Variants in DCDC2 observed in about 807,000 individuals in gnomAD.
The protein encoded by DCDC2 is doublecortin domain-containing protein 2.
Under a neutral mutation model 50.2 loss-of-function variants are expected in DCDC2, and 40 were observed. The observed-to-expected ratio is 0.80, with a 90% CI of 0.62 to 1.04. DCDC2 has a LOEUF of 1.04. Ranked by LOEUF, DCDC2 falls within the 50% of genes least tolerant of loss-of-function variation. The pLI, the probability that DCDC2 is intolerant of heterozygous loss-of-function variation, is 0.00. For synonymous variants in DCDC2, 234 were observed against 210.6 expected (o/e 1.11, Z -0.96); for missense variants, 570 against 581.9 (o/e 0.98, Z 0.21).
intron 2 of DCDC2, among the ~76,000 whole-genome samples, chr6:24,314,601 A>T (rs1351108406): frequency 6.6e-6 from 1 of 152,234 alleles, no homozygotes; most frequent in Non-Finnish European, 1.5e-5. Flanking sequence ...AATCATCATT[A>T]TGAACATCAA....
chr6:24,357,989 A>T lies in DCDC2; in HGVS notation c.-239T>A, dbSNP rs1231224262. On this transcript the variant is annotated 5_prime_UTR_variant, in exon 1 of 10. Transcript: ENST00000378454. The stretch of plus-strand genomic sequence containing the variant: ...GTTTTTCACCGTGGCGTGCACAGCC[A>T]ATCAGGACCCGCAGTGCGCGCACCA... The T allele has an allele frequency of 8.5e-6, 12 of 1,418,120 alleles. No individual in the cohort carries two copies. The highest frequency in any genetic ancestry group is 1.4e-5 in the African/African-American group (1 of 69,500). 87.8% of individuals were successfully genotyped at this position (1,418,120 alleles called of 1,614,324 possible).
intron 8 of DCDC2, among the ~76,000 whole-genome samples, chr6:24,199,621 A>G (rs1036293014): frequency 2.0e-5 from 3 of 152,068 alleles, no homozygotes; most frequent in Non-Finnish European, 4.4e-5. Flanking sequence ...AAGGATCACA[A>G]CTCCTCACCA....
At position 24,255,864 on chromosome 6, in the gene DCDC2, G is replaced by T. The variant is rs931688136; in HGVS notation, c.922+22185C>A. Among the ~76,000 whole-genome samples the T allele has an allele frequency of 6.6e-5, 10 of 152,212 alleles. No individual in the cohort carries two copies. In the South Asian group the frequency reaches 1.9e-3, roughly 28 times the overall value. ...GGAACAGTGTTTGTCAGTATCTACT[G>T]AAGATGAAATATGCAAATCATGTGG... On this transcript the variant is annotated intron_variant, in intron 7 of 9. Transcript: ENST00000378454.
intron 6 of DCDC2, among the ~76,000 whole-genome samples, chr6:24,280,739 C>T (rs1227050178): frequency 2.0e-5 from 3 of 151,922 alleles, no homozygotes; most frequent in Non-Finnish European, 4.4e-5. Context: ...AGGGTTTCAC[C>T]ATGTTGACCA....
the DCDC2 span, among the ~76,000 whole-genome samples, chr6:24,366,510 G>T: frequency 6.6e-6 from 1 of 152,178 alleles, no homozygotes; most frequent in African/African-American, 2.4e-5. Context: ...ATAGAAGAAG[G>T]TATCTTCCAT....
intron 8 of DCDC2, among the ~76,000 whole-genome samples, chr6:24,179,817 G>A (rs1245820461): frequency 6.6e-6 from 1 of 151,400 alleles, no homozygotes; most frequent in African/African-American, 2.4e-5. Context: ...AGCCAGGCGT[G>A]GTGGTGGGCA....
Position 24,301,730 on chromosome 6 carries a change from C to T in DCDC2, c.542G>A (p.Ser181Asn). ...QMVTEKITLR[S>N]GAVHRLYTLE... ...TTTGACATACCTGTGAACAGCCCCG[C>T]TCCTCAGAGTGATTTTTTCTGTGAC... The change falls in exon 4 of 10, where the codon AGC becomes AAC. Residue 181 changes from serine (S) to asparagine (N), a missense_variant. Physicochemically the swap from Ser to Asn is conservative, Grantham distance 46. Coordinates refer to ENST00000378454, the MANE Select transcript of DCDC2 (RefSeq NM_016356.5). 1 of 1,614,138 alleles carries T rather than the reference C, an allele frequency of 6.2e-7. No homozygotes were observed. The highest frequency in any genetic ancestry group is 1.1e-5 in the South Asian group (1 of 91,078).
rs748158765 is a variant in DCDC2, at chr6:24,317,081, A to C, written c.349-15037T>G. On this transcript the variant is annotated intron_variant, in intron 2 of 9. Coordinates refer to ENST00000378454, the MANE Select transcript of DCDC2 (RefSeq NM_016356.5). ...AAACACTACATATATGCACACATAC[A>C]TGCATACATCTGTATTTACAGATGT... Among the ~76,000 whole-genome samples, 11 of 152,016 alleles carry C rather than the reference A, an allele frequency of 7.2e-5. 1 individual carries two copies. Among genetic ancestry groups the C allele is most frequent in the Non-Finnish European group, 1.3e-4 (9 of 67,948 alleles).
chr6:24,194,365 A>G (rs1036408064), intron 8 of DCDC2, among the ~76,000 whole-genome samples: 6 of 152,240 alleles, frequency 3.9e-5, no homozygotes, highest in Non-Finnish European at 5.9e-5. Context: ...AATGCTATTT[A>G]ATGAAACTAC....
intron 4 of DCDC2, among the ~76,000 whole-genome samples, chr6:24,292,778 G>A (rs1212836481): frequency 1.3e-5 from 2 of 152,198 alleles, no homozygotes; most frequent in African/African-American, 4.8e-5. Flanking sequence ...CTGGAAAGGT[G>A]AGTAGGCTGC....
chr6:24,213,614 T>C (rs547812959), intron 7 of DCDC2, among the ~76,000 whole-genome samples: 80 of 152,316 alleles, frequency 5.3e-4, no homozygotes, highest in African/African-American at 1.8e-3. Flanking sequence ...GTGAAATATA[T>C]TGAATTTTTA....
intron 2 of DCDC2, among the ~76,000 whole-genome samples, chr6:24,343,301 G>A (rs746293520): frequency 7.9e-5 from 12 of 151,980 alleles, no homozygotes; most frequent in East Asian, 1.9e-4. Context: ...CACCCACCTC[G>A]GCCTCCCAAA....
chr6:24,181,252 A>G (rs568370737), intron 8 of DCDC2, among the ~76,000 whole-genome samples: 4 of 152,216 alleles, frequency 2.6e-5, no homozygotes. Context: ...AACATAACTC[A>G]CAATGCTTGG....
At chr6:24,358,753 ATT>A (rs1561788147), upstream of DCDC2, among the ~76,000 whole-genome samples, 60 of 93,564 alleles carry the variant, frequency 6.4e-4, 2 homozygotes, top group Admixed American at 2.0e-3. Flanking sequence ...TTATTTATTT[ATT>A]TATATATTAT....
rs1394825735 is a variant in DCDC2, at chr6:24,291,740, C to T, written c.558-662G>A. ...GACCTCGTGATCCGCCCGCCTCGGCCTCCCAAAGTGCTGGGATTACAGGCA... is the reference window on the plus strand; with the variant it reads ...GACCTCGTGATCCGCCCGCCTCGGCTTCCCAAAGTGCTGGGATTACAGGCA... On this transcript the variant is annotated intron_variant, in intron 4 of 9. Coordinates refer to ENST00000378454, the MANE Select transcript of DCDC2 (RefSeq NM_016356.5). 2.0e-5 allele frequency among the ~76,000 whole-genome samples: 3 copies of T among 152,186 alleles called. No homozygotes were observed. In the East Asian group the frequency reaches 5.8e-4, roughly 29 times the overall value.
At chr6:24,351,777 A>C (rs990753545) in intron 2 of DCDC2, among the ~76,000 whole-genome samples, 2 of 152,212 alleles carry the variant, frequency 1.3e-5, no homozygotes, top group Non-Finnish European at 2.9e-5. Context: ...AAATTAAATG[A>C]ACTGGAGTTT....
intron 2 of DCDC2, among the ~76,000 whole-genome samples, chr6:24,335,849 T>C (rs1188984453): frequency 1.3e-5 from 2 of 152,132 alleles, no homozygotes; most frequent in Admixed American, 1.3e-4. Flanking sequence ...TGGGGGAAAC[T>C]GCCCCCATGA....
intron 8 of DCDC2, among the ~76,000 whole-genome samples, chr6:24,187,696 T>A (rs1482911011): frequency 1.3e-5 from 2 of 152,200 alleles, no homozygotes; most frequent in Non-Finnish European, 2.9e-5. Context: ...TGACTCTGGA[T>A]ATTCGTCTTA....
intron 2 of DCDC2, among the ~76,000 whole-genome samples, chr6:24,327,537 A>G (rs1314785098): frequency 7.5e-6 from 1 of 132,608 alleles, no homozygotes; most frequent in Non-Finnish European, 1.7e-5. Flanking sequence ...ACAAGGGCCC[A>G]ATCTTGGCTC....
Sources: gnomAD v4.1 joint callset for allele counts (sites outside exome capture counted in the v4.1 genomes callset) on GRCh38, gnomAD v4.1.1 for gene constraint, MANE v1.5 for transcripts, NCBI Gene and HGNC (gene_info 2026-07-23, HGNC 2026-07-21) for gene names.